TRAPPC8: variants seen among roughly 807,000 people sequenced by gnomAD.
TRAPPC8 encodes the protein general sporulation gene 1 homolog.
In TRAPPC8, 54 loss-of-function variants were observed where a neutral mutation model predicts 174.3. The ratio of observed to expected loss-of-function variants is 0.31; its 90% CI spans 0.25 to 0.39. The LOEUF (loss-of-function observed/expected upper bound fraction) is 0.39, where lower values mean the gene tolerates loss of function less well. TRAPPC8 is among the 10% of genes least tolerant of loss of function. The pLI, the probability that TRAPPC8 is intolerant of heterozygous loss-of-function variation, is 1.00. For missense variants in TRAPPC8, 1,531 were observed against 1,699.1 expected (o/e 0.90, Z 1.74); for synonymous variants, 630 against 579.9 (o/e 1.09, Z -1.24).
chr18:31,931,529 A>G lies in TRAPPC8; in HGVS notation c.158-6T>C. ...ATTAGGATCTCTCATGTGAACTTTA[A>G]AGAAAAAAAGAAAAAAACTTGAAAT... is the stretch of plus-strand genomic sequence containing the variant. On this transcript the variant is annotated splice_polypyrimidine_tract_variant and splice_region_variant and intron_variant, in intron 1 of 28. Transcript: ENST00000283351. 6.5e-7 allele frequency: 1 copy of G among 1,531,534 alleles called. No individual in the cohort carries two copies. The highest frequency in any genetic ancestry group is 8.8e-7 in the Non-Finnish European group (1 of 1,140,302). 94.9% of individuals were successfully genotyped at this position (1,531,534 alleles called of 1,614,324 possible). A position where few individuals can be genotyped will look rare whatever the true frequency, so the allele number is the denominator to read the frequency against.
At position 31,870,498 on chromosome 18, in the gene TRAPPC8, T is replaced by G; in HGVS notation, c.2262A>C (p.Pro754=). ...TTCTAAAAGCCACTTCCACTGTAAT[T>G]GGTTCTATTAAAAAAAAGGCCTAAA... ...SRFPLAVVEE[P]ITVEVAFRNP... Residue 754 remains proline, a synonymous_variant, in exon 16 of 29, where the codon CCA becomes CCC. Coordinates refer to ENST00000283351, the MANE Select transcript of TRAPPC8 (RefSeq NM_014939.5). 6.2e-7 allele frequency: 1 copy of G among 1,603,784 alleles called. No individual in the cohort carries two copies. The highest frequency in any genetic ancestry group is 1.1e-5 in the South Asian group (1 of 88,660).
intron 1 of TRAPPC8, among the ~76,000 whole-genome samples, chr18:31,940,626 G>A (rs1452098829): frequency 2.6e-5 from 4 of 151,960 alleles, no homozygotes; most frequent in Non-Finnish European, 5.9e-5. Flanking sequence ...AGCTTCTCGA[G>A]TAGCTGGGAC....
At position 31,832,123 on chromosome 18, in the gene TRAPPC8, T is replaced by G; in HGVS notation, c.4034A>C (p.Asp1345Ala). 1 of 1,563,106 alleles carries G rather than the reference T, an allele frequency of 6.4e-7. No individual in the cohort carries two copies. The highest frequency in any genetic ancestry group is 8.6e-7 in the Non-Finnish European group (1 of 1,162,866). Residue 1345 changes from aspartate (D) to alanine (A), a missense_variant, in exon 28 of 29, where the codon GAT (aspartate) becomes GCT (alanine). Transcript: ENST00000283351. ...TLLLSNCSKADVDVIVDLRHK... is the reference protein window; with the variant it reads ...TLLLSNCSKAAVDVIVDLRHK... Reference sequence around the variant, plus strand: ...CCGAAGATCAACTATGACATCTACATCAGCCTTAGAACAATTGGAAAGTAA... The same window carrying G: ...CCGAAGATCAACTATGACATCTACAGCAGCCTTAGAACAATTGGAAAGTAA...
intron 25 of TRAPPC8, 47 bp downstream of exon 25, chr18:31,849,519 C>T: frequency 2.8e-6 from 4 of 1,454,330 alleles, no homozygotes; most frequent in Non-Finnish European, 3.7e-6. Context: ...GCTTAAGACT[C>T]GAGTATCTAT....
At chr18:31,868,453 G>C (rs1285944391) in intron 16 of TRAPPC8, among the ~76,000 whole-genome samples, 5 of 152,022 alleles carry the variant, frequency 3.3e-5, no homozygotes, top group Non-Finnish European at 7.4e-5. Flanking sequence ...ATATTGAACA[G>C]ACTAATATAC....
chr18:31,873,286 G>A lies in TRAPPC8; in HGVS notation c.2062+144C>T, dbSNP rs973040839. The A allele has an allele frequency of 6.5e-6, 4 of 617,022 alleles. No homozygotes were observed. In the Admixed American group the frequency reaches 9.7e-5, roughly 15 times the overall value. 38.2% of individuals were successfully genotyped at this position (617,022 alleles called of 1,614,324 possible). On this transcript the variant is annotated intron_variant, in intron 14 of 28. Coordinates refer to ENST00000283351, the MANE Select transcript of TRAPPC8 (RefSeq NM_014939.5). ...CCGGCCTCAGCCTCCCAAAGTGCTG[G>A]GATTACAGGCATGAGCCAATCGTAC...
intron 20 of TRAPPC8, among the ~76,000 whole-genome samples, chr18:31,856,698 G>C (rs776276733): frequency 6.6e-6 from 1 of 151,610 alleles, no homozygotes; most frequent in Non-Finnish European, 1.5e-5. Context: ...CATTCAGTTT[G>C]TGTTCTCTAA....
chr18:31,941,932 C>G (rs909819215), intron 1 of TRAPPC8, among the ~76,000 whole-genome samples: 17 of 152,186 alleles, frequency 1.1e-4, no homozygotes, highest in African/African-American at 3.9e-4. Flanking sequence ...AAGACATTTC[C>G]ATCCCTATAA....
Position 31,916,414 on chromosome 18 carries a change from G to T in TRAPPC8, c.475C>A (p.Pro159Thr). The T allele has an allele frequency of 6.2e-7, 1 of 1,612,480 alleles. No individual in the cohort carries two copies. Among genetic ancestry groups the T allele is most frequent in the Non-Finnish European group, 8.5e-7 (1 of 1,179,536 alleles). ...GACAACTTTGAAAACTGTTCCACAGGTTCAGCTTCACTAGATGACGCTACC... is the reference window on the plus strand; with the variant it reads ...GACAACTTTGAAAACTGTTCCACAGTTTCAGCTTCACTAGATGACGCTACC... ...MLVASSSEAEPVEQFSKLSQE... is the reference protein window; with the variant it reads ...MLVASSSEAETVEQFSKLSQE... The change falls in exon 4 of 29, where the codon CCT becomes ACT. Residue 159 changes from proline to threonine, a missense_variant. Coordinates refer to ENST00000283351, the MANE Select transcript of TRAPPC8 (RefSeq NM_014939.5).
At chr18:31,861,204 A>G (rs201340214) in intron 19 of TRAPPC8, among the ~76,000 whole-genome samples, 1 of 152,120 alleles carries the variant, frequency 6.6e-6, no homozygotes, top group East Asian at 1.9e-4. Flanking sequence ...GGATCTACTG[A>G]TTTTTTTGTT....
At chr18:31,853,268 T>C (rs1598608238) in intron 22 of TRAPPC8, among the ~76,000 whole-genome samples, 1 of 152,106 alleles carries the variant, frequency 6.6e-6, no homozygotes, top group Non-Finnish European at 1.5e-5. Flanking sequence ...AGTTAAGTTT[T>C]GTTTTGTTTT....
rs1052127923 is a variant in TRAPPC8 at position 31,830,148 on chromosome 18, A to G, written c.*607T>C. 2 of 152,742 alleles carry G rather than the reference A, an allele frequency of 1.3e-5. No individual in the cohort carries two copies. The highest frequency in any genetic ancestry group is 2.1e-4 in the South Asian group (1 of 4,828). The allele number at this position is 152,742 out of a possible 1,614,324, so 9.5% of individuals were successfully genotyped here. A position where few individuals can be genotyped will look rare whatever the true frequency, so the allele number is the denominator to read the frequency against. ...ACTCTATACTGAGATGAATGAGGGGAAAAAAGTCAAAACTCCTTTCAAAAC... is the reference window on the plus strand; with the variant it reads ...ACTCTATACTGAGATGAATGAGGGGGAAAAAGTCAAAACTCCTTTCAAAAC... On this transcript the variant is annotated 3_prime_UTR_variant, in exon 29 of 29. Transcript: ENST00000283351.
At chr18:31,873,317 T>A in intron 14 of TRAPPC8, 113 bp downstream of exon 14, 1 of 884,442 alleles carries the variant, frequency 1.1e-6, no homozygotes, top group Admixed American at 2.6e-5. Context: ...CGTACCCGGC[T>A]GAGCTATTAA....
At chr18:31,934,952 AAAT>A (rs1445052111) in intron 1 of TRAPPC8, among the ~76,000 whole-genome samples, 1 of 95,476 alleles carries the variant, frequency 1.0e-5, no homozygotes, top group South Asian at 6.9e-4. Context: ...TCCGTCTCAT[AAAT>A]AAATAAATAA....
intron 1 of TRAPPC8, among the ~76,000 whole-genome samples, chr18:31,941,380 T>C (rs1450796080): frequency 6.6e-6 from 1 of 151,978 alleles, no homozygotes; most frequent in Non-Finnish European, 1.5e-5. Context: ...GAGGCGGAGG[T>C]GGCGGTGGGC....
At chr18:31,941,700 T>C (rs2038352469) in intron 1 of TRAPPC8, among the ~76,000 whole-genome samples, 1 of 152,206 alleles carries the variant, frequency 6.6e-6, no homozygotes, top group Non-Finnish European at 1.5e-5. Context: ...GGATAAGTCA[T>C]ATTAAGCTAA....
At chr18:31,864,808 A>G in intron 18 of TRAPPC8, 27 bp from the exon 19 acceptor site, 1 of 1,586,020 alleles carries the variant, frequency 6.3e-7, no homozygotes, top group Non-Finnish European at 8.6e-7. Context: ...TCAATGCCCT[A>G]AAATAATTTG....
Position 31,839,432 on chromosome 18 carries a change from T to G in TRAPPC8, c.3863A>C (p.Lys1288Thr), listed in dbSNP as rs538403151. 2 of 1,603,110 alleles carry G rather than the reference T, an allele frequency of 1.2e-6. No homozygotes were observed. The highest frequency in any genetic ancestry group is 1.3e-5 in the African/African-American group (1 of 74,492). ...TGTAATGTTTTCTGGCCTGAAAAAT[T>G]TCAATAGTTCCATTTCTGGTGGCTC... ...KQEPPEMELL[K>T]FFRPENITVS... is the part of the protein sequence containing the mutation. The change falls in exon 27 of 29, where the codon AAA (lysine) becomes ACA (threonine). Residue 1288 changes from lysine (K) to threonine (T), a missense_variant. Physicochemically the swap from Lys to Thr is moderately conservative, Grantham distance 78 (BLOSUM62 -1). Coordinates refer to ENST00000283351, the MANE Select transcript of TRAPPC8 (RefSeq NM_014939.5).
In TRAPPC8 at chr18:31,861,280, C is replaced by T. The variant is rs118023207; in HGVS notation, c.2746-3298G>A. On this transcript the variant is annotated intron_variant, in intron 19 of 28. Transcript: ENST00000283351. ...TTTGTTATGTAGAATAAGAGGCCCT[C>T]TGCTCTAAAATACCCTCTTCAAGAA... Among the ~76,000 whole-genome samples the T allele has an allele frequency of 9.4e-3, 1,431 of 152,284 alleles. 17 individuals are homozygous for T. Among genetic ancestry groups the T allele is most frequent in the Middle Eastern group, 0.071 (21 of 294 alleles).
Sources: allele counts gnomAD v4.1 joint callset (sites outside exome capture counted in the v4.1 genomes callset), GRCh38; gene constraint gnomAD v4.1.1; transcripts MANE v1.5; gene names NCBI Gene and HGNC (gene_info 2026-07-23, HGNC 2026-07-21).